HMCN1: variants seen among roughly 807,000 people sequenced by gnomAD.
HMCN1 encodes hemicentin 1.
In HMCN1, 321 loss-of-function variants were observed where a neutral mutation model predicts 625.9. The ratio of observed to expected loss-of-function variants is 0.51; its 90% confidence interval spans 0.47 to 0.56. HMCN1 has a LOEUF of 0.56. Ranked by LOEUF, HMCN1 falls within the 20% of genes least tolerant of loss-of-function variation. The pLI is 0.00. For synonymous variants in HMCN1, 2,425 were observed against 2,417.6 expected, an observed-to-expected ratio of 1.00 and a Z score of -0.09; for missense variants, 6,588 against 6,887.3, an observed-to-expected ratio of 0.96 and a Z score of 1.54.
At position 185,933,405 on chromosome 1, in the gene HMCN1, A is replaced by G. The variant is rs1667650454; in HGVS notation, c.1553-144A>G. On this transcript the variant is annotated intron_variant, in intron 10 of 106. Transcript: ENST00000271588. ...GGTAATTTTGAGGGGGCTCATAGAC[A>G]TATGCATTAATTGAGTAAGTTCTGT... is the stretch of plus-strand genomic sequence containing the variant. 12 of 759,970 alleles carry G rather than the reference A, an allele frequency of 1.6e-5. 1 individual carries two copies. The highest frequency in any genetic ancestry group is 1.5e-4 in the South Asian group (10 of 65,056). The allele number at this position is 759,970 out of a possible 1,614,324, so 47.1% of individuals were successfully genotyped here.
intron 6 of HMCN1, among the ~76,000 whole-genome samples, chr1:185,918,461 G>A (rs1200007868): frequency 1.3e-5 from 2 of 152,146 alleles, no homozygotes; most frequent in Non-Finnish European, 2.9e-5. Context: ...CACCTTGAGG[G>A]GGGTCTTCCT....
chr1:185,964,611 G>C (rs1650263635), intron 13 of HMCN1, among the ~76,000 whole-genome samples: 1 of 152,142 alleles, frequency 6.6e-6, no homozygotes, highest in Non-Finnish European at 1.5e-5. Flanking sequence ...ATTGAATTGA[G>C]AGCCTGGAAA....
At chr1:185,880,749 G>A (rs1664252541) in intron 4 of HMCN1, among the ~76,000 whole-genome samples, 1 of 152,190 alleles carries the variant, frequency 6.6e-6, no homozygotes, top group African/African-American at 2.4e-5. Flanking sequence ...AATGAAATAG[G>A]GGAATGAAGT....
At position 186,062,541 on chromosome 1, in the gene HMCN1, C is replaced by T; in HGVS notation, c.7454C>T (p.Thr2485Ile). 4 of 1,611,604 alleles carry T rather than the reference C, an allele frequency of 2.5e-6. No individual in the cohort carries two copies. Among genetic ancestry groups the T allele is most frequent in the South Asian group, 1.1e-5 (1 of 91,048 alleles). Residue 2485 changes from threonine to isoleucine, a missense_variant, in exon 48 of 107, where the codon ACA (threonine) becomes ATA (isoleucine). Thr to Ile is a moderately conservative substitution (Grantham distance 89). Around this residue, in one of 3 missense-constraint regions of HMCN1, gnomAD observed 4,628 missense variants for 4,853.1 expected, o/e 0.95. Transcript: ENST00000271588. Reference sequence around the variant, plus strand: ...CCACCTCATATTGTGGGTGAAAATACATTGGAAGATGTGAAGGTAAAAGAG... The same window carrying T: ...CCACCTCATATTGTGGGTGAAAATATATTGGAAGATGTGAAGGTAAAAGAG... ...LVPPHIVGEN[T>I]LEDVKVKEKQ... is the part of the protein sequence containing the mutation.
intron 4 of HMCN1, among the ~76,000 whole-genome samples, chr1:185,868,227 T>A (rs573187678): frequency 6.6e-6 from 1 of 152,220 alleles, no homozygotes; most frequent in South Asian, 2.1e-4. Flanking sequence ...CAAGGAAAAT[T>A]GAGTTACATA....
chr1:186,055,468 A>G lies in HMCN1; in HGVS notation c.6938A>G (p.Glu2313Gly), dbSNP rs1018783385. 5 of 1,612,800 alleles carry G rather than the reference A, an allele frequency of 3.1e-6. No homozygotes were observed. The highest frequency in any genetic ancestry group is 4.2e-6 in the Non-Finnish European group (5 of 1,179,236). The change falls in exon 45 of 107, where the codon GAG becomes GGG. Residue 2313 changes from glutamate to glycine, a missense_variant. By Grantham distance (98) the Glu-to-Gly change is moderately conservative. Coordinates refer to ENST00000271588, the MANE Select transcript of HMCN1 (RefSeq NM_031935.3). ...IVTRGKSISL[E>G]CEVQGIPPPT... ...ACCCGAGGGAAGAGTATCTCCTTGG[A>G]GTGTGAGGTGCAGGGTATTCCACCA...
At chr1:186,063,285 T>C (rs1253133076) in intron 48 of HMCN1, among the ~76,000 whole-genome samples, 1 of 151,376 alleles carries the variant, frequency 6.6e-6, no homozygotes, top group East Asian at 1.9e-4. Flanking sequence ...TCAGCTACTA[T>C]AATTGGCATT....
At chr1:185,995,153 A>G (rs1652701181) in intron 24 of HMCN1, 66 bp downstream of exon 24, 12 of 1,411,522 alleles carry the variant, frequency 8.5e-6, no homozygotes, top group Admixed American at 3.4e-5. Context: ...CCTAGAGCTA[A>G]ATAGATTATC....
At chr1:185,993,332 A>G (rs2102037304) in intron 23 of HMCN1, 23 bp downstream of exon 23, 1 of 1,611,556 alleles carries the variant, frequency 6.2e-7, no homozygotes, top group South Asian at 1.1e-5. Flanking sequence ...ATGAGAACAT[A>G]TGACAACCCT....
chr1:186,189,372 C>T lies in HMCN1; in HGVS notation c.16542-140C>T, dbSNP rs866553468. Reference sequence around the variant, plus strand: ...TGGTTTGAGTTAGTGACACAGAAGACGACTGAGTCTTACCGCTTTTACAGC... The same window carrying T: ...TGGTTTGAGTTAGTGACACAGAAGATGACTGAGTCTTACCGCTTTTACAGC... On this transcript the variant is annotated intron_variant, in intron 106 of 106. Transcript: ENST00000271588. The T allele has an allele frequency of 4.3e-5, 35 of 819,046 alleles. No individual in the cohort carries two copies. In the Middle Eastern group the frequency reaches 2.0e-3, roughly 47 times the overall value. 50.7% of individuals were successfully genotyped at this position (819,046 alleles called of 1,614,324 possible).
intron 2 of HMCN1, among the ~76,000 whole-genome samples, chr1:185,852,600 A>G (rs992840239): frequency 6.6e-6 from 1 of 150,964 alleles, no homozygotes; most frequent in African/African-American, 2.4e-5. Context: ...ACACACACAC[A>G]CACACACACA....
At chr1:185,875,081 A>G (rs2102377904) in intron 4 of HMCN1, among the ~76,000 whole-genome samples, 1 of 152,108 alleles carries the variant, frequency 6.6e-6, no homozygotes, top group East Asian at 1.9e-4. Context: ...ATGTCTGGTA[A>G]GATTGCAGTT....
At position 186,087,972 on chromosome 1, in the gene HMCN1, T is replaced by C. The variant is rs1339731184; in HGVS notation, c.9404T>C (p.Val3135Ala). ...TGQYVCRAIN[V>A]AGRDDKNFHL... is the part of the protein sequence containing the mutation. Reference sequence around the variant, plus strand: ...CAGTATGTATGTAGAGCTATAAATGTAGCAGGACGGGATGATAAAAATTTC... The same window carrying C: ...CAGTATGTATGTAGAGCTATAAATGCAGCAGGACGGGATGATAAAAATTTC... Residue 3135 changes from valine (V) to alanine (A), a missense_variant, in exon 61 of 107, where the codon GTA becomes GCA. Physicochemically the swap from Val to Ala is moderately conservative, Grantham distance 64 (BLOSUM62 0). Coordinates refer to ENST00000271588, the MANE Select transcript of HMCN1 (RefSeq NM_031935.3). 4 of 1,613,048 alleles carry C rather than the reference T, an allele frequency of 2.5e-6. No homozygotes were observed. In the African/African-American group the frequency reaches 5.3e-5, roughly 22 times the overall value.
At chr1:185,928,977 G>A (rs1415237518) in intron 10 of HMCN1, among the ~76,000 whole-genome samples, 3 of 152,230 alleles carry the variant, frequency 2.0e-5, no homozygotes, top group African/African-American at 7.2e-5. Context: ...GCACTTAGAA[G>A]AGAGTCTGCC....
At chr1:185,810,498 G>A (rs73072012) in intron 1 of HMCN1, among the ~76,000 whole-genome samples, 6,214 of 152,194 alleles carry the variant, frequency 0.041, 413 homozygotes, top group African/African-American at 0.14. Flanking sequence ...TTTCTGATTT[G>A]ACAGTGAATA....
At chr1:186,088,917 G>C (rs1571336292) in intron 63 of HMCN1, among the ~76,000 whole-genome samples, 162 bp downstream of exon 63, 1 of 151,868 alleles carries the variant, frequency 6.6e-6, no homozygotes, top group East Asian at 1.9e-4. Context: ...AGTAGATTCT[G>C]TTTTCATGGA....
rs373882360 is a variant in HMCN1 at position 186,136,611 on chromosome 1, T to TA, written c.13313-48dup. On this transcript the variant is annotated intron_variant, in intron 86 of 106. Coordinates refer to ENST00000271588, the MANE Select transcript of HMCN1 (RefSeq NM_031935.3). Reference sequence around the variant, plus strand: ...AATAATGTCGCCATATAATACATGATAAAAAAAAATGCTGTAACTCCACAA... The same window carrying TA: ...AATAATGTCGCCATATAATACATGATAAAAAAAAAATGCTGTAACTCCACAA... 609 of 1,498,688 alleles carry TA rather than the reference T, an allele frequency of 4.1e-4. 1 individual carries two copies. The highest frequency in any genetic ancestry group is 5.6e-4 in the South Asian group (49 of 87,880). 92.8% of individuals were successfully genotyped at this position (1,498,688 alleles called of 1,614,324 possible).
intron 46 of HMCN1, among the ~76,000 whole-genome samples, chr1:186,059,135 A>G (rs570640185): frequency 6.6e-6 from 1 of 152,112 alleles, no homozygotes; most frequent in East Asian, 1.9e-4. Context: ...ACAACCTGGT[A>G]AAAGGTTTGT....
chr1:186,088,404 A>C, intron 62 of HMCN1, 128 bp downstream of exon 62: 1 of 1,445,504 alleles, frequency 6.9e-7, no homozygotes, highest in South Asian at 1.2e-5. Context: ...AGGCTAACGC[A>C]CTGAAATACA....
Sources: gnomAD v4.1 joint callset for allele counts (sites outside exome capture counted in the v4.1 genomes callset) on GRCh38, gnomAD v4.1.1 for gene constraint, gnomAD v4.1.1 regional missense constraint, MANE v1.5 for transcripts, NCBI Gene and HGNC (gene_info 2026-07-23, HGNC 2026-07-21) for gene names.